The following SNX31 variants were observed in gnomAD, a reference collection of about 807,000 sequenced individuals.
The protein encoded by SNX31 is sorting nexin 31.
SNX31 carries 58 observed loss-of-function variants against 65.4 expected under a neutral mutation model. The observed-to-expected ratio is 0.89, with a 90% CI of 0.72 to 1.10. SNX31 has a LOEUF of 1.10. SNX31 is among the 50% of genes least tolerant of loss of function. The pLI is 0.00. For missense variants in SNX31, 523 were observed against 529.7 expected (o/e 0.99, Z 0.12); for synonymous variants, 181 against 190.1 (o/e 0.95, Z 0.39).
In SNX31 at chr8:100,613,514, A is replaced by G. The variant is rs1211112208; in HGVS notation, c.433-429T>C. On this transcript the variant is annotated intron_variant, in intron 5 of 13. Transcript: ENST00000311812. This position sits in a 1 kb window ranked among gnomAD's most constrained non-coding sequence, Gnocchi z 5.2. ...TGCATTACCAGCTATTTGGAAAAGG[A>G]TCACTCCCCGCCGCTTGGCTGGCAT... Among the ~76,000 whole-genome samples the G allele has an allele frequency of 2.0e-5, 3 of 152,148 alleles. No homozygotes were observed. The highest frequency in any genetic ancestry group is 4.4e-5 in the Non-Finnish European group (3 of 68,038).
intron 10 of SNX31, among the ~76,000 whole-genome samples, chr8:100,591,879 C>T (rs1371705313): frequency 6.6e-6 from 1 of 151,982 alleles, no homozygotes; most frequent in Non-Finnish European, 1.5e-5. Flanking sequence ...TAACTGCATG[C>T]CAGAATAAAA....
At position 100,576,381 on chromosome 8, in the gene SNX31, A is replaced by G. The variant is rs1813044436; in HGVS notation, c.1227+638T>C. Reference sequence around the variant, plus strand: ...TTAGAAAGGAAGAGTTAGCAAGGGCACAGTTAGTTAAGGGCATAGTTCCAG... The same window carrying G: ...TTAGAAAGGAAGAGTTAGCAAGGGCGCAGTTAGTTAAGGGCATAGTTCCAG... On this transcript the variant is annotated intron_variant, in intron 13 of 13. Coordinates refer to ENST00000311812, the MANE Select transcript of SNX31 (RefSeq NM_152628.4). The surrounding 1 kb of genome is among the most constrained non-coding windows in gnomAD (Gnocchi z 4.8). 6.6e-6 allele frequency among the ~76,000 whole-genome samples: 1 copy of G among 152,194 alleles called. No individual in the cohort carries two copies. The highest frequency in any genetic ancestry group is 6.5e-5 in the Admixed American group (1 of 15,272).
chr8:100,628,036 A>T (rs150805223), intron 4 of SNX31, among the ~76,000 whole-genome samples: 37 of 152,160 alleles, frequency 2.4e-4, no homozygotes, highest in Non-Finnish European at 5.0e-4. Context: ...AAAACCACAA[A>T]GAGATACCAT....
At chr8:100,657,407 G>A (rs113808429) in intron 1 of SNX31, among the ~76,000 whole-genome samples, 55 of 150,610 alleles carry the variant, frequency 3.7e-4, no homozygotes, top group African/African-American at 1.1e-3. Context: ...AGCCAAGATC[G>A]CGCCATTGTG....
intron 11 of SNX31, among the ~76,000 whole-genome samples, chr8:100,585,674 C>T (rs1813978169): frequency 6.6e-6 from 1 of 152,106 alleles, no homozygotes; most frequent in African/African-American, 2.4e-5. Flanking sequence ...TAAGAACTAG[C>T]CCTGTTTATA....
At chr8:100,662,523 A>C (rs1786345) in intron 1 of SNX31, among the ~76,000 whole-genome samples, 79,393 of 151,768 alleles carry the variant, frequency 0.52, 21,795 homozygotes, top group African/African-American at 0.69. Flanking sequence ...CGTGGTGAAA[A>C]CCCGTCTCTA....
chr8:100,652,461 A>ATT (rs1434679813), upstream of SNX31, among the ~76,000 whole-genome samples: 7 of 152,214 alleles, frequency 4.6e-5, no homozygotes, highest in Non-Finnish European at 1.0e-4. Flanking sequence ...CTTATGAGCC[A>ATT]GGCGCTGCAG....
At chr8:100,655,179 T>C (rs904189087) in intron 1 of SNX31, among the ~76,000 whole-genome samples, 1 of 152,094 alleles carries the variant, frequency 6.6e-6, no homozygotes, top group Non-Finnish European at 1.5e-5. Context: ...AGGAGGGACA[T>C]TGACCCAGCA....
At chr8:100,637,286 C>T (rs1416647046) in intron 2 of SNX31, among the ~76,000 whole-genome samples, 1 of 152,190 alleles carries the variant, frequency 6.6e-6, no homozygotes, top group African/African-American at 2.4e-5. Flanking sequence ...GATTCATTCT[C>T]CTGAAAATAA....
At chr8:100,602,257 C>T (rs1815710307) in intron 8 of SNX31, among the ~76,000 whole-genome samples, 1 of 152,166 alleles carries the variant, frequency 6.6e-6, no homozygotes, top group African/African-American at 2.4e-5. Flanking sequence ...TGCTTTATCT[C>T]CCAGAGAAGA....
chr8:100,628,430 A>G (rs1344048220), intron 4 of SNX31, among the ~76,000 whole-genome samples: 2 of 152,176 alleles, frequency 1.3e-5, no homozygotes, highest in East Asian at 3.8e-4. Flanking sequence ...ATGAGATCAT[A>G]TCCTTTGTAG....
Position 100,588,229 on chromosome 8 carries a change from T to A in SNX31, c.1092+637A>T, listed in dbSNP as rs1187353152. On this transcript the variant is annotated intron_variant, in intron 11 of 13. Transcript: ENST00000311812. This position sits in a 1 kb window ranked among gnomAD's most constrained non-coding sequence, Gnocchi z 4.8. ...ATGTTATGTACCACATGAATGTATA[T>A]GCAAATATTTCAAGATTTAAAAAAA... Among the ~76,000 whole-genome samples, 1 of 152,190 alleles carries A rather than the reference T, an allele frequency of 6.6e-6. No individual in the cohort carries two copies. Among genetic ancestry groups the A allele is most frequent in the African/African-American group, 2.4e-5 (1 of 41,438 alleles).
intron 8 of SNX31, among the ~76,000 whole-genome samples, chr8:100,602,335 G>A (rs984646028): frequency 1.1e-4 from 17 of 152,138 alleles, no homozygotes; most frequent in Admixed American, 3.3e-4. Flanking sequence ...GATTTAGAGA[G>A]GAGAAGAAAA....
intron 2 of SNX31, among the ~76,000 whole-genome samples, chr8:100,647,528 G>C (rs1162705435): frequency 2.0e-5 from 3 of 152,146 alleles, no homozygotes; most frequent in Non-Finnish European, 4.4e-5. Context: ...ATTCAGGAGT[G>C]CTTGAAGCCT....
intron 3 of SNX31, among the ~76,000 whole-genome samples, chr8:100,634,750 C>G (rs562924834): frequency 3.0e-3 from 332 of 111,118 alleles, no homozygotes; most frequent in Non-Finnish European, 4.1e-3. Flanking sequence ...CTCTGTCTCT[C>G]TGTCTTAAAA....
chr8:100,640,246 C>T (rs1035636843), intron 2 of SNX31, among the ~76,000 whole-genome samples: 1 of 152,176 alleles, frequency 6.6e-6, no homozygotes, highest in Admixed American at 6.5e-5. Context: ...TCCTGCCTCG[C>T]CTCCCGAGTA....
At chr8:100,638,268 A>G (rs1587053220) in intron 2 of SNX31, among the ~76,000 whole-genome samples, 1 of 152,362 alleles carries the variant, frequency 6.6e-6, no homozygotes, top group South Asian at 2.1e-4. Context: ...GAACTGTGCC[A>G]TCTAATATGG....
chr8:100,606,128 G>A (rs1816133504), intron 8 of SNX31, among the ~76,000 whole-genome samples: 1 of 151,748 alleles, frequency 6.6e-6, no homozygotes, highest in African/African-American at 2.4e-5. Context: ...TCCGCCTTCT[G>A]GGCTCAAGCC....
In SNX31 at chr8:100,612,057, G is replaced by C; in HGVS notation, c.554C>G (p.Pro185Arg). 2 of 1,614,064 alleles carry C rather than the reference G, an allele frequency of 1.2e-6. No homozygotes were observed. Among genetic ancestry groups the C allele is most frequent in the Non-Finnish European group, 1.7e-6 (2 of 1,179,992 alleles). Residue 185 changes from proline to arginine, a missense_variant, in exon 7 of 14, where the codon CCT (proline) becomes CGT (arginine). Pro to Arg is a moderately radical substitution (Grantham distance 103). Transcript: ENST00000311812. This position sits in a 1 kb window ranked among gnomAD's most constrained non-coding sequence, Gnocchi z 4.3. The part of the protein sequence containing the change: ...VVKKLADFEL[P>R]YVSLGSSEVE... Reference sequence around the variant, plus strand: ...CTCAGAACTTCCAAGACTAACATAAGGGAGTTCAAAGTCAGCCAATTTTTT... The same window carrying C: ...CTCAGAACTTCCAAGACTAACATAACGGAGTTCAAAGTCAGCCAATTTTTT...
Sources: gnomAD v4.1 joint callset for allele counts (sites outside exome capture counted in the v4.1 genomes callset) on GRCh38, gnomAD v4.1.1 for gene constraint, Gnocchi (gnomAD v3.1) non-coding constraint, MANE v1.5 for transcripts, NCBI Gene and HGNC (gene_info 2026-07-23, HGNC 2026-07-21) for gene names.